The following PSME4 variants were observed in gnomAD, a reference collection of about 807,000 sequenced individuals.
PSME4 encodes the protein proteasome activator subunit 4, also known as proteasome activator complex subunit 4.
In PSME4, 89 loss-of-function variants were observed where a neutral mutation model predicts 253.9. That is an observed-to-expected ratio of 0.35 (90% confidence interval 0.30 to 0.42). PSME4 has a LOEUF of 0.42. PSME4 is among the 10% of genes least tolerant of loss of function. The pLI is 1.00. For missense variants in PSME4, 2,014 were observed against 2,195.2 expected (o/e 0.92, Z 1.65); for synonymous variants, 851 against 759.2 (o/e 1.12, Z -1.99).
intron 27 of PSME4, among the ~76,000 whole-genome samples, chr2:53,903,339 T>G (rs1370904925): frequency 6.6e-6 from 1 of 152,168 alleles, no homozygotes; most frequent in African/African-American, 2.4e-5. Context: ...AAAAGCTTAG[T>G]AACTTTGACA....
At chr2:53,885,827 C>A (rs536532010) in intron 40 of PSME4, 52 bp from the exon 41 acceptor site, 2 of 1,306,554 alleles carry the variant, frequency 1.5e-6, no homozygotes, top group Non-Finnish European at 2.2e-6. Flanking sequence ...ATTTACAGAC[C>A]ACAAAGTAGA....
At chr2:53,888,391 G>C (rs1679738832) in intron 38 of PSME4, 1 of 250,942 alleles carries the variant, frequency 4.0e-6, no homozygotes, top group South Asian at 1.4e-4. Context: ...CTCTTTCTTT[G>C]TATCTTTTTA....
Position 53,895,706 on chromosome 2 carries a change from G to C in PSME4, c.3719C>G (p.Ala1240Gly). 1 of 1,611,398 alleles carries C rather than the reference G, an allele frequency of 6.2e-7. No homozygotes were observed. Among genetic ancestry groups the C allele is most frequent in the African/African-American group, 1.3e-5 (1 of 74,926 alleles). ...SGCPKPTQII[A>G]GDRPDNHWLH... is the part of the protein sequence containing the mutation. ...CCAATGATTATCAGGCCTATCACCA[G>C]CAATAATTTGGGTGGGTTTAGGGCA... The change falls in exon 33 of 47, where the codon GCT (alanine) becomes GGT (glycine). Residue 1240 changes from alanine to glycine, a missense_variant. This residue lies in a region of PSME4 where 989 missense variants were observed against 1,021.1 expected (regional missense o/e 0.97). Transcript: ENST00000404125.
chr2:53,934,922 G>A (rs1173229341), intron 7 of PSME4, among the ~76,000 whole-genome samples, 195 bp from the exon 8 acceptor site: 1 of 152,144 alleles, frequency 6.6e-6, no homozygotes, highest in Non-Finnish European at 1.5e-5. Flanking sequence ...TGTGCTGTAT[G>A]ACACTCTGAG....
chr2:53,938,885 A>C lies in PSME4; in HGVS notation c.545+1071T>G, dbSNP rs549959809. ...AATTTTAAAAAAACAAAAACAAACT[A>C]TGCTCCACCTTCAAAGATCTCACAT... On this transcript the variant is annotated intron_variant, in intron 4 of 46. Coordinates refer to ENST00000404125, the MANE Select transcript of PSME4 (RefSeq NM_014614.3). 1.2e-4 allele frequency among the ~76,000 whole-genome samples: 18 copies of C among 152,336 alleles called. No individual in the cohort carries two copies. The East Asian group carries it at 3.3e-3, about 28-fold the overall frequency.
intron 41 of PSME4, among the ~76,000 whole-genome samples, chr2:53,882,483 G>A (rs560038486): frequency 8.5e-5 from 13 of 152,270 alleles, no homozygotes; most frequent in Admixed American, 3.3e-4. Flanking sequence ...GTATTAACTC[G>A]TATAATCCTC....
At chr2:53,966,822 C>A (rs1573392548) in intron 1 of PSME4, among the ~76,000 whole-genome samples, 1 of 152,064 alleles carries the variant, frequency 6.6e-6, no homozygotes, top group South Asian at 2.1e-4. Context: ...GCCTCAGCCT[C>A]CTGAGTAGCT....
chr2:53,892,976 C>G lies in PSME4; in HGVS notation c.4039-16G>C, dbSNP rs894726446. ...TGAATATACCCTATAAAAACAAAGA[C>G]TGTTCTTCAGTACTCAAATGACTAT... On this transcript the variant is annotated splice_polypyrimidine_tract_variant and intron_variant, in intron 35 of 46. Coordinates refer to ENST00000404125, the MANE Select transcript of PSME4 (RefSeq NM_014614.3). 1.7e-5 allele frequency: 27 copies of G among 1,604,348 alleles called. No homozygotes were observed. The highest frequency in any genetic ancestry group is 2.3e-5 in the Non-Finnish European group (27 of 1,174,310).
rs1297619606 is a variant in PSME4, at chr2:53,904,211, G to C, written c.2944-55C>G. The C allele has an allele frequency of 7.0e-6, 10 of 1,438,666 alleles. No individual in the cohort carries two copies. In the African/African-American group the frequency reaches 1.3e-4, roughly 19 times the overall value. The allele number at this position is 1,438,666 out of a possible 1,614,324, so 89.1% of individuals were successfully genotyped here. A position where few individuals can be genotyped will look rare whatever the true frequency, so the allele number is the denominator to read the frequency against. ...TTATTAAATAGTAAAGTACAAAGCA[G>C]TTTAAAACAAATTATCAAAAACAGT... is the stretch of plus-strand genomic sequence containing the variant. On this transcript the variant is annotated intron_variant, in intron 26 of 46. Transcript: ENST00000404125.
intron 20 of PSME4, among the ~76,000 whole-genome samples, chr2:53,912,154 G>A (rs936007165): frequency 2.0e-5 from 3 of 152,032 alleles, no homozygotes; most frequent in African/African-American, 7.2e-5. Flanking sequence ...CTACTTACAC[G>A]CAGATTTTTT....
chr2:53,872,741 C>CAAAAAAAA (rs61308177), intron 43 of PSME4, among the ~76,000 whole-genome samples: 4 of 48,006 alleles, frequency 8.3e-5, no homozygotes, highest in Non-Finnish European at 1.5e-4. Context: ...GACTTGGTCT[C>CAAAAAAAA]AAAAAAAAAA....
intron 3 of PSME4, among the ~76,000 whole-genome samples, chr2:53,940,983 A>AT (rs1669420534): frequency 1.3e-5 from 1 of 79,412 alleles, no homozygotes; most frequent in Non-Finnish European, 2.9e-5. Context: ...ATATATATAT[A>AT]TATATATATA....
intron 20 of PSME4, among the ~76,000 whole-genome samples, chr2:53,913,784 G>C (rs960233336): frequency 6.6e-6 from 1 of 152,136 alleles, no homozygotes; most frequent in African/African-American, 2.4e-5. Flanking sequence ...CTGAAAACAG[G>C]AACTACTTCC....
Position 53,925,606 on chromosome 2 carries a change from A to G in PSME4, c.1742T>C (p.Leu581Ser). 1 of 1,610,562 alleles carries G rather than the reference A, an allele frequency of 6.2e-7. No individual in the cohort carries two copies. ...CGTAGAAGACAGACCTAATTCGACC[A>G]AACTCTCCAAGTGTGTCATTTTCTC... ...ETEKMTHLES[L>S]VELGLSSTFS... The change falls in exon 14 of 47, where the codon TTG (leucine) becomes TCG (serine). Residue 581 changes from leucine to serine, a missense_variant. Leu to Ser is a moderately radical substitution (Grantham distance 145). Coordinates refer to ENST00000404125, the MANE Select transcript of PSME4 (RefSeq NM_014614.3).
At chr2:53,879,993 A>T (rs1679306014) in intron 41 of PSME4, among the ~76,000 whole-genome samples, 1 of 152,226 alleles carries the variant, frequency 6.6e-6, no homozygotes, top group Non-Finnish European at 1.5e-5. Context: ...AAACTTGACA[A>T]GGAGATTCAA....
rs917276538 is a variant in PSME4 at position 53,932,043 on chromosome 2, G to C, written c.1108C>G (p.Arg370Gly). Residue 370 changes from arginine (R) to glycine (G), a missense_variant, in exon 10 of 47, where the codon CGT becomes GGT. Coordinates refer to ENST00000404125, the MANE Select transcript of PSME4 (RefSeq NM_014614.3). ...CAAGAGGGCTTCTTGTATCTTTCAC[G>C]ATGCAATCTTCTAACAACACTGTTT... ...LPNSVVRRLH[R>G]ERYKKPSWLT... The C allele has an allele frequency of 1.2e-6, 2 of 1,613,632 alleles. No homozygotes were observed. The highest frequency in any genetic ancestry group is 1.7e-5 in the Admixed American group (1 of 60,004).
chr2:53,866,363 G>T, intron 45 of PSME4, 140 bp from the exon 46 acceptor site: 1 of 894,018 alleles, frequency 1.1e-6, no homozygotes, highest in Non-Finnish European at 1.7e-6. Flanking sequence ...AAAAGCCAAT[G>T]AGAAGGACAA....
At chr2:53,868,421 C>T (rs542224832) in intron 44 of PSME4, among the ~76,000 whole-genome samples, 2 of 149,416 alleles carry the variant, frequency 1.3e-5, no homozygotes, top group Non-Finnish European at 3.0e-5. Flanking sequence ...CACTGCACTC[C>T]AGCCTGGGTG....
At chr2:53,898,547 T>C (rs565472357) in intron 29 of PSME4, among the ~76,000 whole-genome samples, 193 bp from the exon 30 acceptor site, 1 of 151,532 alleles carries the variant, frequency 6.6e-6, no homozygotes, top group Non-Finnish European at 1.5e-5. Context: ...GAAAAGCTCA[T>C]GAAAGGCTAG....
Sources: allele counts gnomAD v4.1 joint callset (sites outside exome capture counted in the v4.1 genomes callset), GRCh38; gene constraint gnomAD v4.1.1; regional missense constraint gnomAD v4.1.1; transcripts MANE v1.5; gene names NCBI Gene and HGNC (gene_info 2026-07-23, HGNC 2026-07-21).